Variants in NSUN4 observed in about 807,000 individuals in gnomAD.
NSUN4 encodes the protein 5-cytosine rRNA methyltransferase NSUN4.
A neutral mutation model predicts 43.8 loss-of-function variants in NSUN4; 31 were observed. The observed-to-expected ratio is 0.71, with a 90% CI of 0.53 to 0.96. The LOEUF is 0.96. NSUN4 is among the 40% of genes least tolerant of loss of function. The probability of loss-of-function intolerance (pLI) is 0.00; values close to 1 mark genes in which losing one functional copy is unlikely to be tolerated. For synonymous variants in NSUN4, 167 were observed against 184.1 expected (o/e 0.91, Z 0.75); for missense variants, 439 against 475.6 (o/e 0.92, Z 0.72).
chr1:46,341,851 G>A (rs548232596), intron 1 of NSUN4: 1 of 1,232,806 alleles, frequency 8.1e-7, no homozygotes, highest in Non-Finnish European at 1.0e-6. Context: ...AGAATGCGGC[G>A]TCCCTGTCTT....
intron 3 of NSUN4, 126 bp from the exon 4 acceptor site, chr1:46,352,738 TAATA>T: frequency 1.2e-6 from 1 of 848,418 alleles, no homozygotes; most frequent in Admixed American, 2.0e-5. Flanking sequence ...GCCATGCACA[TAATA>T]AATGTTCCTG....
the NSUN4 span, among the ~76,000 whole-genome samples, chr1:46,382,606 C>CTTT: frequency 4.1e-4 from 58 of 142,404 alleles, 1 homozygote; most frequent in Non-Finnish European, 4.6e-4. Context: ...AAAAATGCTT[C>CTTT]TTTTTTTTTT....
At chr1:46,356,771 C>T (rs1663409187) in intron 4 of NSUN4, among the ~76,000 whole-genome samples, 1 of 152,142 alleles carries the variant, frequency 6.6e-6, no homozygotes, top group Non-Finnish European at 1.5e-5. Flanking sequence ...TTCTCCCGCT[C>T]CACTTGTCCA....
chr1:46,357,534 G>T (rs55971480), intron 4 of NSUN4, among the ~76,000 whole-genome samples: 34,100 of 152,072 alleles, frequency 0.22, 4,295 homozygotes, highest in Non-Finnish European at 0.29. Flanking sequence ...TCGATTTATA[G>T]TCCCCTTGAA....
At chr1:46,361,463 A>T in intron 5 of NSUN4, 107 bp from the exon 6 acceptor site, 3 of 1,007,522 alleles carry the variant, frequency 3.0e-6, no homozygotes, top group Non-Finnish European at 4.4e-6. Flanking sequence ...CTAACCAGCT[A>T]CCCATCCTGT....
At chr1:46,347,532 A>T (rs372040172) in intron 3 of NSUN4, among the ~76,000 whole-genome samples, 17 of 152,252 alleles carry the variant, frequency 1.1e-4, no homozygotes, top group African/African-American at 3.9e-4. Context: ...TTTTTTCATT[A>T]GTTCCTCTCT....
At chr1:46,353,921 G>C (rs1327862151) in intron 4 of NSUN4, among the ~76,000 whole-genome samples, 1 of 152,004 alleles carries the variant, frequency 6.6e-6, no homozygotes, top group African/African-American at 2.4e-5. Flanking sequence ...TTAAGATTTT[G>C]ATAGCGATTG....
chr1:46,351,852 G>A (rs940852231), intron 3 of NSUN4, among the ~76,000 whole-genome samples: 1 of 151,420 alleles, frequency 6.6e-6, no homozygotes, highest in African/African-American at 2.4e-5. Flanking sequence ...TTTTAGTAGA[G>A]ACGGGGTTTC....
intron 1 of NSUN4, chr1:46,344,138 C>G: frequency 5.4e-6 from 1 of 184,444 alleles, no homozygotes; most frequent in Non-Finnish European, 1.1e-5. Context: ...CCCTGCTACC[C>G]CCATAGCAGT....
At chr1:46,345,822 AT>A (rs1662447421) in intron 2 of NSUN4, among the ~76,000 whole-genome samples, 1 of 152,184 alleles carries the variant, frequency 6.6e-6, no homozygotes, top group African/African-American at 2.4e-5. Context: ...GTTGTAGGGT[AT>A]GGGAATTGAT....
chr1:46,348,038 C>T (rs971676301), intron 3 of NSUN4, among the ~76,000 whole-genome samples: 1 of 152,054 alleles, frequency 6.6e-6, no homozygotes, highest in Admixed American at 6.6e-5. Flanking sequence ...CCACCACGCC[C>T]AGCTAATTTG....
chr1:46,343,485 C>G, intron 1 of NSUN4: 1 of 399,626 alleles, frequency 2.5e-6, no homozygotes, highest in Non-Finnish European at 4.4e-6. Context: ...TAGCACCAAT[C>G]CCAGCTGTAG....
chr1:46,357,976 G>A (rs1663502244), intron 4 of NSUN4, among the ~76,000 whole-genome samples: 2 of 152,138 alleles, frequency 1.3e-5, no homozygotes, highest in South Asian at 4.1e-4. Context: ...GTACAGTGGT[G>A]CCATCTTGGC....
Position 46,341,557 on chromosome 1 carries a change from G to A in NSUN4, c.93+638G>A, listed in dbSNP as rs528141891. ...TGCTTCTCCAGAGACCCTTTTTCTT[G>A]CCTCACTGGAAGCCCTGGAATTTCT... On this transcript the variant is annotated intron_variant, in intron 1 of 5. Coordinates refer to ENST00000474844, the MANE Select transcript of NSUN4 (RefSeq NM_199044.4). 12 of 1,148,506 alleles carry A rather than the reference G, an allele frequency of 1.0e-5. No individual in the cohort carries two copies. In the East Asian group the frequency reaches 5.1e-4, roughly 49 times the overall value. 71.1% of individuals were successfully genotyped at this position (1,148,506 alleles called of 1,614,324 possible). A position where few individuals can be genotyped will look rare whatever the true frequency, so the allele number is the denominator to read the frequency against.
At chr1:46,343,192 C>T in intron 1 of NSUN4, 1 of 397,520 alleles carries the variant, frequency 2.5e-6, no homozygotes, top group East Asian at 3.6e-5. Flanking sequence ...ACAGGCCCCC[C>T]TCCCATTGTG....
chr1:46,350,078 G>A (rs947849247), intron 3 of NSUN4, among the ~76,000 whole-genome samples: 1 of 152,190 alleles, frequency 6.6e-6, no homozygotes, highest in East Asian at 1.9e-4. Flanking sequence ...CATATTTTAT[G>A]GAGGGAGAAA....
the NSUN4 span, chr1:46,371,069 G>A: frequency 1.3e-5 from 2 of 152,206 alleles, no homozygotes; most frequent in Admixed American, 6.6e-5. Context: ...GGGTCACATA[G>A]CAAGTCAGTG....
the NSUN4 span, among the ~76,000 whole-genome samples, chr1:46,373,789 G>A: frequency 6.6e-6 from 1 of 152,104 alleles, no homozygotes; most frequent in Non-Finnish European, 1.5e-5. Context: ...CCTTAATACT[G>A]TTACATTGGG....
the NSUN4 span, among the ~76,000 whole-genome samples, chr1:46,372,917 C>T: frequency 2.0e-5 from 3 of 152,244 alleles, no homozygotes; most frequent in Non-Finnish European, 4.4e-5. Flanking sequence ...GAGACGGTTT[C>T]GCCATGTTGG....
Sources: allele counts gnomAD v4.1 joint callset (sites outside exome capture counted in the v4.1 genomes callset), GRCh38; gene constraint gnomAD v4.1.1; transcripts MANE v1.5; gene names NCBI Gene and HGNC (gene_info 2026-07-23, HGNC 2026-07-21).